Variants in HS3ST4 observed in about 807,000 individuals in gnomAD.
The protein encoded by HS3ST4 is heparan sulfate glucosamine 3-O-sulfotransferase 4.
A neutral mutation model predicts 29.2 loss-of-function variants in HS3ST4; 17 were observed. That is an observed-to-expected ratio of 0.58 (90% CI 0.40 to 0.87). The LOEUF (loss-of-function observed/expected upper bound fraction) is 0.87. Ranked by LOEUF, HS3ST4 falls within the 40% of genes least tolerant of loss-of-function variation. HS3ST4 has a pLI of 0.00. For missense variants in HS3ST4, 627 were observed against 634.5 expected (o/e 0.99, Z 0.13); for synonymous variants, 314 against 285.7 (o/e 1.10, Z -1.00).
At chr16:25,872,602 T>TCA (rs10663897) in intron 1 of HS3ST4, among the ~76,000 whole-genome samples, 53,593 of 151,936 alleles carry the variant, frequency 0.35, 9,737 homozygotes, top group East Asian at 0.53. Context: ...GCCTGAGTGT[T>TCA]CACAACAGTG....
At chr16:26,119,317 A>G (rs1220246068) in intron 1 of HS3ST4, among the ~76,000 whole-genome samples, 1 of 152,194 alleles carries the variant, frequency 6.6e-6, no homozygotes, top group Non-Finnish European at 1.5e-5. Context: ...AAGGCTGGAG[A>G]AGGCAGTGCT....
intron 1 of HS3ST4, among the ~76,000 whole-genome samples, chr16:25,886,470 A>G (rs1423536843): frequency 1.3e-5 from 2 of 152,156 alleles, no homozygotes; most frequent in African/African-American, 4.8e-5. Context: ...ATTCCCATTT[A>G]TAACATCTGG....
intron 1 of HS3ST4, among the ~76,000 whole-genome samples, chr16:25,999,897 T>A (rs1247622443): frequency 7.6e-5 from 10 of 131,854 alleles, no homozygotes; most frequent in African/African-American, 1.7e-4. Flanking sequence ...TATATATATT[T>A]TATATATATA....
chr16:25,722,834 C>T (rs143852504), intron 1 of HS3ST4, among the ~76,000 whole-genome samples: 262 of 152,286 alleles, frequency 1.7e-3, no homozygotes, highest in African/African-American at 6.1e-3. Context: ...GTAAGGATTA[C>T]ATGAGATGGC....
intron 1 of HS3ST4, among the ~76,000 whole-genome samples, chr16:25,857,839 A>G (rs1967589230): frequency 6.6e-6 from 1 of 151,944 alleles, no homozygotes; most frequent in African/African-American, 2.4e-5. Context: ...GGAATCCTTA[A>G]TTTGTCATAG....
intron 1 of HS3ST4, among the ~76,000 whole-genome samples, chr16:25,918,491 TAGAG>T (rs1039024667): frequency 4.6e-5 from 7 of 151,884 alleles, no homozygotes; most frequent in African/African-American, 7.3e-5. Flanking sequence ...TTAGAAAAAA[TAGAG>T]AGCACTCCAA....
At chr16:25,734,249 C>A (rs1966591290) in intron 1 of HS3ST4, among the ~76,000 whole-genome samples, 1 of 152,234 alleles carries the variant, frequency 6.6e-6, no homozygotes, top group Non-Finnish European at 1.5e-5. Flanking sequence ...AGCCAGAAAT[C>A]TGAATTTTTA....
intron 1 of HS3ST4, among the ~76,000 whole-genome samples, chr16:25,962,523 A>G (rs1482619427): frequency 6.6e-6 from 1 of 152,174 alleles, no homozygotes; most frequent in African/African-American, 2.4e-5. Context: ...CAAGCCAACA[A>G]TATTTGTGCC....
At position 25,900,253 on chromosome 16, in the gene HS3ST4, G is replaced by A. The variant is rs146950126; in HGVS notation, c.734+207102G>A. 2.0e-4 allele frequency among the ~76,000 whole-genome samples: 30 copies of A among 152,158 alleles called. No individual in the cohort carries two copies. The East Asian group carries it at 4.1e-3, about 21-fold the overall frequency. On this transcript the variant is annotated intron_variant, in intron 1 of 1. Transcript: ENST00000331351. ...CAAACTCTATGTTCTTCTGTTTCCC[G>A]AGCTTGGATCCTTAATCCCTATTGT...
intron 1 of HS3ST4, among the ~76,000 whole-genome samples, chr16:25,792,953 T>A (rs1318263849): frequency 6.6e-6 from 1 of 151,968 alleles, no homozygotes; most frequent in African/African-American, 2.4e-5. Flanking sequence ...TTCAGCTGCA[T>A]TCTACCAACT....
chr16:26,102,759 G>T (rs376972861), intron 1 of HS3ST4, among the ~76,000 whole-genome samples: 1 of 152,272 alleles, frequency 6.6e-6, no homozygotes, highest in African/African-American at 2.4e-5. Flanking sequence ...CACTTACTGG[G>T]TGTTGGATTC....
At chr16:25,945,986 T>G (rs1968621486) in intron 1 of HS3ST4, among the ~76,000 whole-genome samples, 1 of 152,218 alleles carries the variant, frequency 6.6e-6, no homozygotes, top group Non-Finnish European at 1.5e-5. Context: ...CATGGTCTCT[T>G]TTATTGCCAG....
At chr16:26,047,313 T>A (rs896816800) in intron 1 of HS3ST4, among the ~76,000 whole-genome samples, 2 of 152,358 alleles carry the variant, frequency 1.3e-5, no homozygotes, top group East Asian at 3.9e-4. Flanking sequence ...CAAGGACTCT[T>A]CCCTTCTTTG....
chr16:25,964,176 A>AT (rs1968820788), intron 1 of HS3ST4, among the ~76,000 whole-genome samples: 1 of 111,744 alleles, frequency 8.9e-6, no homozygotes, highest in Admixed American at 9.0e-5. Flanking sequence ...ACTCCATCTC[A>AT]TAAAAAAAAA....
intron 1 of HS3ST4, among the ~76,000 whole-genome samples, chr16:26,045,114 A>G (rs1596661461): frequency 6.6e-6 from 1 of 152,238 alleles, no homozygotes; most frequent in East Asian, 1.9e-4. Context: ...AGAGAGCCTG[A>G]CATATTACGA....
intron 1 of HS3ST4, among the ~76,000 whole-genome samples, chr16:26,046,145 ATTTT>A (rs146624042): frequency 7.0e-5 from 8 of 114,626 alleles, no homozygotes; most frequent in Admixed American, 1.8e-4. Context: ...AGGACAGGAA[ATTTT>A]TTTTTTTTTT....
chr16:25,790,489 A>G (rs1046871318), intron 1 of HS3ST4, among the ~76,000 whole-genome samples: 3 of 152,366 alleles, frequency 2.0e-5, no homozygotes, highest in Middle Eastern at 3.4e-3. Context: ...TATTTTGTTA[A>G]CAATTTAAAT....
intron 1 of HS3ST4, among the ~76,000 whole-genome samples, chr16:26,012,471 T>C (rs1969319578): frequency 6.6e-6 from 1 of 152,326 alleles, no homozygotes; most frequent in Middle Eastern, 3.4e-3. Context: ...TAATTCTGCT[T>C]CTGTAGCTTT....
chr16:25,896,480 T>G (rs1366440906), intron 1 of HS3ST4, among the ~76,000 whole-genome samples: 1 of 152,076 alleles, frequency 6.6e-6, no homozygotes, highest in Non-Finnish European at 1.5e-5. Context: ...ATGGCTTTTG[T>G]TAAAAAGTTA....
Sources: gnomAD v4.1 joint callset for allele counts (sites outside exome capture counted in the v4.1 genomes callset) on GRCh38, gnomAD v4.1.1 for gene constraint, MANE v1.5 for transcripts, NCBI Gene and HGNC (gene_info 2026-07-23, HGNC 2026-07-21) for gene names.